Variants in MAGEB10 observed in about 807,000 individuals in gnomAD.
The protein encoded by MAGEB10 is melanoma-associated antigen B10.
For missense variants in MAGEB10, 190 were observed against 261.9 expected (o/e 0.73, Z 1.89); for synonymous variants, 99 against 101.0 (o/e 0.98, Z 0.12).
At chrX:27,819,255 C>A (rs185074542) in intron 2 of MAGEB10, among the ~76,000 whole-genome samples, 1 of 110,355 alleles carries the variant, frequency 9.1e-6, no homozygotes, top group East Asian at 2.9e-4. Context: ...GACCCCTATG[C>A]AACTTCTGTC....
rs374032271 is a variant in MAGEB10 at position 27,821,495 on chromosome X, A to G, written c.189A>G (p.Gly63=). 1 of 1,209,109 alleles carries G rather than the reference A, an allele frequency of 8.3e-7. No homozygotes were observed. The highest frequency in any genetic ancestry group is 1.8e-5 in the African/African-American group (1 of 56,972). ...ATGGGGCATCCAACAATCCCCATGG[A>G]CTTCGGGAAGCCCAATCCACCAGCA... is the stretch of plus-strand genomic sequence containing the variant. The part of the protein sequence containing the change: ...SLDGASNNPH[G]LREAQSTSTS... The change falls in exon 3 of 3, where the codon GGA becomes GGG. Residue 63 remains glycine, a synonymous_variant. Coordinates refer to ENST00000356790, the MANE Select transcript of MAGEB10 (RefSeq NM_182506.3).
chrX:27,821,070 C>A (rs769624339), intron 2 of MAGEB10, among the ~76,000 whole-genome samples, 188 bp from the exon 3 acceptor site: 1 of 111,955 alleles, frequency 8.9e-6, no homozygotes, highest in Admixed American at 9.4e-5. Flanking sequence ...GCAGATCTGG[C>A]AAGTGGCAAC....
chrX:27,809,674 C>G (rs1222243142), intron 1 of MAGEB10, among the ~76,000 whole-genome samples: 1 of 86,612 alleles, frequency 1.2e-5, no homozygotes, highest in Non-Finnish European at 2.3e-5. Context: ...CTGAGGACTG[C>G]GGGCGCATGG....
intron 2 of MAGEB10, among the ~76,000 whole-genome samples, chrX:27,818,501 A>G (rs899582007): frequency 9.8e-5 from 11 of 111,791 alleles, no homozygotes; most frequent in African/African-American, 3.6e-4. Context: ...GAGACGAACT[A>G]CCTCACTGAC....
chrX:27,818,429 G>A (rs1355565224), intron 2 of MAGEB10, among the ~76,000 whole-genome samples: 4 of 111,617 alleles, frequency 3.6e-5, no homozygotes, highest in African/African-American at 9.8e-5. Flanking sequence ...AGGGCAAATA[G>A]TACCAATGAG....
chrX:27,818,385 A>G (rs1923821164), intron 2 of MAGEB10, among the ~76,000 whole-genome samples: 1 of 111,073 alleles, frequency 9.0e-6, no homozygotes, highest in Non-Finnish European at 1.9e-5. Flanking sequence ...AGCTGTGCAA[A>G]TAGACATGAT....
intron 2 of MAGEB10, among the ~76,000 whole-genome samples, chrX:27,820,298 T>C (rs375086807): frequency 1.8e-5 from 2 of 111,784 alleles, no homozygotes; most frequent in East Asian, 2.8e-4. Flanking sequence ...AGGAGCTATT[T>C]TGAGGCCTTG....
At chrX:27,812,981 T>A (rs1602862352) in intron 1 of MAGEB10, 1 of 156,022 alleles carries the variant, frequency 6.4e-6, no homozygotes, top group East Asian at 1.7e-4. Context: ...GTTTCACTAG[T>A]GGAGGGTTGG....
chrX:27,821,250 T>G lies in MAGEB10; in HGVS notation c.-49-8T>G. On this transcript the variant is annotated splice_region_variant and splice_polypyrimidine_tract_variant and intron_variant, in intron 2 of 2. Transcript: ENST00000356790. ...TGGGCACACCCCATTTCATCTTCTC[T>G]TCTCCAGGTCACGGGATCACCTGCC... The G allele has an allele frequency of 9.6e-7, 1 of 1,042,688 alleles. No individual in the cohort carries two copies. The highest frequency in any genetic ancestry group is 1.3e-6 in the Non-Finnish European group (1 of 756,555). The allele number at this position is 1,042,688 out of a possible 1,213,427, so 85.9% of individuals were successfully genotyped here.
chrX:27,808,303 A>G (rs911941180), intron 1 of MAGEB10, among the ~76,000 whole-genome samples: 1 of 111,906 alleles, frequency 8.9e-6, no homozygotes, highest in African/African-American at 3.2e-5. Flanking sequence ...TAATCAATGA[A>G]TTAGGAGCGA....
At chrX:27,810,477 G>A (rs1048051197) in intron 1 of MAGEB10, among the ~76,000 whole-genome samples, 1 of 111,713 alleles carries the variant, frequency 9.0e-6, no homozygotes, top group African/African-American at 3.3e-5. Flanking sequence ...TGTGGGCTGT[G>A]GGGGAAACTA....
intron 1 of MAGEB10, among the ~76,000 whole-genome samples, chrX:27,809,383 C>CCCACCCCCGCCAGCCCCCT (rs1923613295): frequency 3.5e-5 from 2 of 57,014 alleles, no homozygotes; most frequent in Non-Finnish European, 6.6e-5. Flanking sequence ...CTCCCACCCC[C>CCCACCCCCGCCAGCCCCCT]CCAACCCCGC....
intron 2 of MAGEB10, among the ~76,000 whole-genome samples, chrX:27,818,249 C>T (rs1438245669): frequency 2.7e-5 from 3 of 110,826 alleles, no homozygotes; most frequent in African/African-American, 9.9e-5. Flanking sequence ...CTACTCTGGT[C>T]GTTCAGGGCA....
Position 27,822,188 on chromosome X carries a change from G to A in MAGEB10, c.882G>A (p.Lys294=). ...TGAAAGTTCTTGAGTTTTTGGCCAAGGTAAATGATACAGCTCCCAGTGAAT... is the reference window on the plus strand; with the variant it reads ...TGAAAGTTCTTGAGTTTTTGGCCAAAGTAAATGATACAGCTCCCAGTGAAT... ...SKMKVLEFLA[K]VNDTAPSEFS... Residue 294 remains lysine, a synonymous_variant, in exon 3 of 3, where the codon AAG becomes AAA. Coordinates refer to ENST00000356790, the MANE Select transcript of MAGEB10 (RefSeq NM_182506.3). 1 of 1,211,810 alleles carries A rather than the reference G, an allele frequency of 8.3e-7. No homozygotes were observed.
chrX:27,816,444 G>C (rs5926911), intron 1 of MAGEB10, among the ~76,000 whole-genome samples: 54,149 of 110,155 alleles, frequency 0.49, 9,928 homozygotes, highest in Middle Eastern at 0.59. Context: ...CTGTATCTGC[G>C]CCAAGGGAAA....
rs758541335 is a variant in MAGEB10 at position 27,816,780 on chromosome X, C to T, written c.-198-774C>T. 2.3e-3 allele frequency among the ~76,000 whole-genome samples: 252 copies of T among 111,888 alleles called. 2 individuals are homozygous for T. The highest frequency in any genetic ancestry group is 3.9e-3 in the Non-Finnish European group (207 of 53,158). On this transcript the variant is annotated intron_variant, in intron 1 of 2. Coordinates refer to ENST00000356790, the MANE Select transcript of MAGEB10 (RefSeq NM_182506.3). ...CAAAGATATTTGATATTCTCAGAAACTCCTCCAAGACTTAAGAAGGGTGTT... is the reference window on the plus strand; with the variant it reads ...CAAAGATATTTGATATTCTCAGAAATTCCTCCAAGACTTAAGAAGGGTGTT...
Position 27,821,710 on chromosome X carries a change from C to G in MAGEB10, c.404C>G (p.Ala135Gly), listed in dbSNP as rs754281513. The G allele has an allele frequency of 9.1e-6, 11 of 1,211,902 alleles. No individual in the cohort carries two copies. Among genetic ancestry groups the G allele is most frequent in the Non-Finnish European group, 1.1e-5 (10 of 895,617 alleles). Residue 135 changes from alanine (A) to glycine (G), a missense_variant, in exon 3 of 3, where the codon GCA becomes GGA. Physicochemically the swap from Ala to Gly is moderately conservative, Grantham distance 60 (BLOSUM62 0). Transcript: ENST00000356790. The stretch of plus-strand genomic sequence containing the variant: ...CAAATGAAAGAGCCCATTACAAAGG[C>G]AGATATGCTGAGAAATGTAACCCAA... The part of the protein sequence containing the change: ...KYQMKEPITK[A>G]DMLRNVTQMS...
At chrX:27,820,093 C>A in intron 2 of MAGEB10, among the ~76,000 whole-genome samples, 1 of 110,741 alleles carries the variant, frequency 9.0e-6, no homozygotes, top group Middle Eastern at 4.9e-3. Context: ...GATAAGAGTC[C>A]CAGGCCCTAA....
intron 1 of MAGEB10, among the ~76,000 whole-genome samples, chrX:27,814,366 A>AT (rs1399702361): frequency 9.0e-6 from 1 of 111,695 alleles, no homozygotes; most frequent in Admixed American, 9.5e-5. Flanking sequence ...AGTTGAAGGG[A>AT]TGGAAGGAAT....
Sources: gnomAD v4.1 joint callset for allele counts (sites outside exome capture counted in the v4.1 genomes callset) on GRCh38, gnomAD v4.1.1 for gene constraint, MANE v1.5 for transcripts, NCBI Gene and HGNC (gene_info 2026-07-23, HGNC 2026-07-21) for gene names.